Variants in ACVR2A observed in about 807,000 individuals in gnomAD.
The protein encoded by ACVR2A is activin A receptor type 2A, also known as activin receptor type-2A.
ACVR2A carries 7 observed loss-of-function variants against 61.4 expected under a neutral mutation model. That is an observed-to-expected ratio of 0.11 (90% CI 0.06 to 0.21). ACVR2A has a LOEUF of 0.21. Ranked by LOEUF, ACVR2A falls within the 10% of genes least tolerant of loss-of-function variation. ACVR2A has a pLI of 1.00. For synonymous variants in ACVR2A, 193 were observed against 208.3 expected, an observed-to-expected ratio of 0.93 and a Z score of 0.63; for missense variants, 322 against 621.7, an observed-to-expected ratio of 0.52 and a Z score of 5.13.
chr2:147,879,182 C>G (rs576063658), intron 1 of ACVR2A, among the ~76,000 whole-genome samples: 1 of 152,072 alleles, frequency 6.6e-6, no homozygotes, highest in South Asian at 2.1e-4. Context: ...TTGTTTTACT[C>G]TGTTTTGTGT....
rs192881076 is a variant in ACVR2A, at chr2:147,894,738, T to C, written c.56-1563T>C. On this transcript the variant is annotated intron_variant, in intron 1 of 10. Coordinates refer to ENST00000241416, the MANE Select transcript of ACVR2A (RefSeq NM_001616.5). ...TGCTTGAAAACTTAAATTTTATCAT[T>C]GGAAACGCATACTTGTTAGTTGCCT... Among the ~76,000 whole-genome samples, 10 of 152,280 alleles carry C rather than the reference T, an allele frequency of 6.6e-5. No homozygotes were observed. The East Asian group carries it at 1.9e-3, about 29-fold the overall frequency.
chr2:147,896,344 T>C lies in ACVR2A; in HGVS notation c.99T>C (p.Phe33=), dbSNP rs1686733018. 4 of 1,614,002 alleles carry C rather than the reference T, an allele frequency of 2.5e-6. No individual in the cohort carries two copies. The highest frequency in any genetic ancestry group is 3.4e-6 in the Non-Finnish European group (4 of 1,179,918). ...GRSETQECLF[F]NANWEKDRTN... Reference sequence around the variant, plus strand: ...CAGAAACTCAGGAGTGTCTTTTCTTTAATGCTAATTGGGAAAAAGACAGAA... The same window carrying C: ...CAGAAACTCAGGAGTGTCTTTTCTTCAATGCTAATTGGGAAAAAGACAGAA... The change falls in exon 2 of 11, where the codon TTT becomes TTC. Residue 33 remains phenylalanine, a synonymous_variant. Coordinates refer to ENST00000241416, the MANE Select transcript of ACVR2A (RefSeq NM_001616.5).
At chr2:147,870,740 TC>T (rs547609707) in intron 1 of ACVR2A, among the ~76,000 whole-genome samples, 1 of 152,288 alleles carries the variant, frequency 6.6e-6, no homozygotes, top group South Asian at 2.1e-4. Flanking sequence ...TTTTCCTTCT[TC>T]CCTTTTAATG....
chr2:147,871,151 GCC>G (rs1686003404), intron 1 of ACVR2A, among the ~76,000 whole-genome samples: 1 of 151,854 alleles, frequency 6.6e-6, no homozygotes, highest in African/African-American at 2.4e-5. Flanking sequence ...CCTGTCCTGT[GCC>G]TAGAGCTCAT....
chr2:147,877,000 A>C (rs1686173904), intron 1 of ACVR2A, among the ~76,000 whole-genome samples: 1 of 151,380 alleles, frequency 6.6e-6, no homozygotes, highest in African/African-American at 2.4e-5. Flanking sequence ...CTTATTAGTA[A>C]AGCTGCTGTG....
chr2:147,863,240 C>G (rs1265742817), intron 1 of ACVR2A, among the ~76,000 whole-genome samples: 1 of 152,178 alleles, frequency 6.6e-6, no homozygotes, highest in African/African-American at 2.4e-5. Flanking sequence ...CTACTGTTGC[C>G]AGCACCCCTT....
intron 1 of ACVR2A, among the ~76,000 whole-genome samples, chr2:147,857,482 T>C (rs1411864566): frequency 1.3e-5 from 2 of 149,698 alleles, no homozygotes; most frequent in African/African-American, 2.5e-5. Flanking sequence ...AAATAAAAGC[T>C]CATTTTGTTG....
chr2:147,887,905 T>C (rs764613412), intron 1 of ACVR2A, among the ~76,000 whole-genome samples: 5 of 152,214 alleles, frequency 3.3e-5, no homozygotes, highest in Non-Finnish European at 7.3e-5. Context: ...GATTTTATTA[T>C]GCATACCTTG....
chr2:147,900,822 AT>A (rs1558808157), intron 4 of ACVR2A, among the ~76,000 whole-genome samples: 1 of 152,002 alleles, frequency 6.6e-6, no homozygotes, highest in Non-Finnish European at 1.5e-5. Context: ...TACCAGAAGG[AT>A]TAATGGTTAA....
At chr2:147,847,249 T>C (rs1021089435) in intron 1 of ACVR2A, among the ~76,000 whole-genome samples, 6 of 152,152 alleles carry the variant, frequency 3.9e-5, no homozygotes, top group Non-Finnish European at 8.8e-5. Flanking sequence ...TGTGATTCTG[T>C]TGAAGATAAT....
intron 1 of ACVR2A, among the ~76,000 whole-genome samples, chr2:147,883,231 C>A (rs1686352541): frequency 6.6e-6 from 1 of 152,120 alleles, no homozygotes; most frequent in East Asian, 1.9e-4. Flanking sequence ...GCTCTTGTTG[C>A]CCAGGCTGGA....
intron 1 of ACVR2A, among the ~76,000 whole-genome samples, chr2:147,860,865 C>T (rs1020257250): frequency 2.0e-5 from 3 of 152,170 alleles, no homozygotes; most frequent in Non-Finnish European, 4.4e-5. Context: ...TTTAGCCCAT[C>T]ACTTGCCCCT....
At chr2:147,899,365 CTAATT>C in intron 2 of ACVR2A, 88 bp from the exon 3 acceptor site, 2 of 800,090 alleles carry the variant, frequency 2.5e-6, no homozygotes, top group Non-Finnish European at 3.6e-6. Flanking sequence ...ATATAAATGA[CTAATT>C]TATTATTTTA....
intron 4 of ACVR2A, among the ~76,000 whole-genome samples, chr2:147,901,026 G>A (rs3754541): frequency 0.14 from 21,687 of 151,880 alleles, 1,913 homozygotes; most frequent in Middle Eastern, 0.22. Context: ...TACCATGTTC[G>A]GTAATTAGGT....
At chr2:147,883,733 AT>A (rs1686367127) in intron 1 of ACVR2A, among the ~76,000 whole-genome samples, 1 of 152,070 alleles carries the variant, frequency 6.6e-6, no homozygotes, top group Non-Finnish European at 1.5e-5. Context: ...TATATTGTTA[AT>A]TTTCTTCATT....
intron 4 of ACVR2A, among the ~76,000 whole-genome samples, chr2:147,914,614 A>G (rs1687205667): frequency 6.6e-6 from 1 of 151,954 alleles, no homozygotes; most frequent in South Asian, 2.1e-4. Context: ...AGAATGAACC[A>G]GTTTGGTTAA....
At chr2:147,882,613 A>G (rs758667599) in intron 1 of ACVR2A, among the ~76,000 whole-genome samples, 2 of 152,194 alleles carry the variant, frequency 1.3e-5, no homozygotes, top group Non-Finnish European at 2.9e-5. Context: ...GTTGACTTCC[A>G]AGTATTTTTA....
intron 1 of ACVR2A, among the ~76,000 whole-genome samples, chr2:147,847,078 G>A (rs1181017984): frequency 1.3e-5 from 2 of 151,902 alleles, no homozygotes; most frequent in Non-Finnish European, 2.9e-5. Context: ...TATTTTCATT[G>A]GGCCAGGATT....
At chr2:147,859,040 A>T (rs923512137) in intron 1 of ACVR2A, among the ~76,000 whole-genome samples, 1 of 152,066 alleles carries the variant, frequency 6.6e-6, no homozygotes, top group African/African-American at 2.4e-5. Context: ...TGTTTAAAAA[A>T]CTTTGTTCGG....
Sources: allele counts gnomAD v4.1 joint callset (sites outside exome capture counted in the v4.1 genomes callset), GRCh38; gene constraint gnomAD v4.1.1; transcripts MANE v1.5; gene names NCBI Gene and HGNC (gene_info 2026-07-23, HGNC 2026-07-21).